Variants in DOCK5 observed in about 807,000 individuals in gnomAD.
DOCK5 encodes dedicator of cytokinesis 5.
Under a neutral mutation model 251.8 loss-of-function variants are expected in DOCK5, and 142 were observed. The observed-to-expected ratio is 0.56, with a 90% CI of 0.49 to 0.65. The LOEUF (loss-of-function observed/expected upper bound fraction) is 0.65, where lower values mean the gene tolerates loss of function less well. Among genes scored for constraint, DOCK5 ranks in the 30% least tolerant of loss-of-function variants. The pLI is 0.00. For missense variants in DOCK5, 2,111 were observed against 2,312.3 expected (o/e 0.91, Z 1.79); for synonymous variants, 842 against 835.5 (o/e 1.01, Z -0.13).
intron 48 of DOCK5, 60 bp from the exon 49 acceptor site, chr8:25,407,923 T>A: frequency 2.0e-6 from 3 of 1,492,912 alleles, no homozygotes; most frequent in Non-Finnish European, 2.7e-6. Context: ...ACTTTCATAG[T>A]GAATTTTGAT....
chr8:25,361,706 T>G (rs1014480837), intron 28 of DOCK5, among the ~76,000 whole-genome samples: 3 of 152,154 alleles, frequency 2.0e-5, no homozygotes, highest in Admixed American at 2.0e-4. Context: ...AGGGTGGGTA[T>G]GTCTAACTCG....
At chr8:25,220,642 T>C (rs1245616557) in intron 1 of DOCK5, among the ~76,000 whole-genome samples, 1 of 152,144 alleles carries the variant, frequency 6.6e-6, no homozygotes, top group African/African-American at 2.4e-5. Context: ...GACAGAGCCT[T>C]GCTGTGTCGC....
chr8:25,352,194 C>A (rs1446458659), intron 27 of DOCK5, among the ~76,000 whole-genome samples: 2 of 113,534 alleles, frequency 1.8e-5, no homozygotes, highest in African/African-American at 6.8e-5. Flanking sequence ...GCCTGGACAA[C>A]AGAGCAATAG....
chr8:25,384,463 A>ATTTATTTTTTTTT (rs1400363524), intron 40 of DOCK5, among the ~76,000 whole-genome samples: 1 of 135,690 alleles, frequency 7.4e-6, no homozygotes, highest in South Asian at 2.3e-4. Flanking sequence ...TTATTTATTT[A>ATTTATTTTTTTTT]TTTTTTTTTT....
At chr8:25,278,816 C>T (rs546753121) in intron 5 of DOCK5, among the ~76,000 whole-genome samples, 151 bp downstream of exon 5, 57 of 152,268 alleles carry the variant, frequency 3.7e-4, no homozygotes, top group African/African-American at 1.3e-3. Flanking sequence ...AGCAGATTCT[C>T]ATTTCCCCAG....
rs566243218 is a variant in DOCK5, at chr8:25,341,208, C to T, written c.2439+220C>T. 6.6e-5 allele frequency among the ~76,000 whole-genome samples: 10 copies of T among 152,248 alleles called. No individual in the cohort carries two copies. The East Asian group carries it at 1.5e-3, about 24-fold the overall frequency. ...TGTCAACTTGCCAAAGACAAGCTAC[C>T]CAATTAGACATCCCTTGAAAGGCCA... is the stretch of plus-strand genomic sequence containing the variant. On this transcript the variant is annotated intron_variant, in intron 23 of 51. Transcript: ENST00000276440.
intron 1 of DOCK5, among the ~76,000 whole-genome samples, chr8:25,209,210 C>G: frequency 1.4e-5 from 1 of 73,240 alleles, no homozygotes; most frequent in Non-Finnish European, 4.5e-5. Flanking sequence ...GTTCTCACCA[C>G]ACGCAAGTTC....
rs1801991567 is a variant in DOCK5, at chr8:25,206,014, CA to C, written c.43+21070del. Reference sequence around the variant, plus strand: ...GGAAGGCTGAACATGAAAAAAGTTGCAAAAAAAGTCCAGTTGGGGTTATTGG... The same window carrying C: ...GGAAGGCTGAACATGAAAAAAGTTGCAAAAAAGTCCAGTTGGGGTTATTGG... On this transcript the variant is annotated intron_variant, in intron 1 of 51. Transcript: ENST00000276440. 1.3e-5 allele frequency among the ~76,000 whole-genome samples: 2 copies of C among 151,794 alleles called. 1 individual carries two copies. The highest frequency in any genetic ancestry group is 4.2e-4 in the South Asian group (2 of 4,814).
chr8:25,280,635 C>T (rs752937882), intron 5 of DOCK5, among the ~76,000 whole-genome samples: 7 of 152,184 alleles, frequency 4.6e-5, no homozygotes, highest in African/African-American at 7.2e-5. Flanking sequence ...AATAGAAGCA[C>T]TTACTGCTAA....
chr8:25,397,548 T>C (rs1418590323), intron 45 of DOCK5, among the ~76,000 whole-genome samples: 1 of 152,224 alleles, frequency 6.6e-6, no homozygotes, highest in Admixed American at 6.5e-5. Context: ...AGTTTCTCCA[T>C]GTTAGGTGCC....
Position 25,323,929 on chromosome 8 carries a change from G to A in DOCK5, c.1697G>A (p.Arg566Lys), listed in dbSNP as rs1563202070. The change falls in exon 17 of 52, where the codon AGG becomes AAG. Residue 566 changes from arginine (R) to lysine (K), a missense_variant. By Grantham distance (26) the Arg-to-Lys change is conservative (BLOSUM62 2). Around this residue, in one of 3 missense-constraint regions of DOCK5, gnomAD observed 1,717 missense variants for 1,892.4 expected, o/e 0.91. Coordinates refer to ENST00000276440, the MANE Select transcript of DOCK5 (RefSeq NM_024940.8). ...NPDGTTLQDG[R>K]HDLVVYKGDN... ...GATGGCACCACTCTGCAGGATGGGA[G>A]GCACGATCTGGTGGTTTATAAGGTG... 6.2e-7 allele frequency: 1 copy of A among 1,612,512 alleles called. No homozygotes were observed. Among genetic ancestry groups the A allele is most frequent in the Non-Finnish European group, 8.5e-7 (1 of 1,179,340 alleles).
intron 26 of DOCK5, among the ~76,000 whole-genome samples, chr8:25,350,137 G>T (rs1346701757): frequency 6.6e-6 from 1 of 152,174 alleles, no homozygotes; most frequent in Non-Finnish European, 1.5e-5. Context: ...TAATTTGACC[G>T]TGGAAATCAT....
chr8:25,269,512 A>T (rs530631715), intron 3 of DOCK5, among the ~76,000 whole-genome samples: 2 of 152,332 alleles, frequency 1.3e-5, no homozygotes, highest in African/African-American at 4.8e-5. Context: ...TTTGATATGT[A>T]ATATTGGTTG....
chr8:25,275,361 A>G lies in DOCK5; in HGVS notation c.169-25A>G, dbSNP rs773497610. On this transcript the variant is annotated intron_variant, in intron 3 of 51. Transcript: ENST00000276440. ...GTTTTTGTTTTGTTTTTATGGCCAT[A>G]TAACCAAAATTCTTTTCTCTGTAGG... 13 of 1,585,658 alleles carry G rather than the reference A, an allele frequency of 8.2e-6. No individual in the cohort carries two copies. The East Asian group carries it at 2.9e-4, about 36-fold the overall frequency.
At chr8:25,392,948 T>G in intron 44 of DOCK5, 66 bp downstream of exon 44, 2 of 1,360,412 alleles carry the variant, frequency 1.5e-6, no homozygotes, top group South Asian at 1.2e-5. Flanking sequence ...ACAGCCTTTG[T>G]TGAATTCCCT....
intron 31 of DOCK5, 37 bp from the exon 32 acceptor site, chr8:25,368,155 T>G (rs760480659): frequency 1.7e-5 from 26 of 1,530,766 alleles, no homozygotes; most frequent in Non-Finnish European, 2.3e-5. Flanking sequence ...TCATTTCTAC[T>G]GAAAATCCTC....
In DOCK5 at chr8:25,332,635, C is replaced by A; in HGVS notation, c.2034C>A (p.Asn678Lys). The A allele has an allele frequency of 6.2e-7, 1 of 1,612,326 alleles. No homozygotes were observed. Among genetic ancestry groups the A allele is most frequent in the Non-Finnish European group, 8.5e-7 (1 of 1,179,304 alleles). Reference protein sequence around the residue: ...FLQDTLDALFNIMMEMSDSET... With the variant: ...FLQDTLDALFKIMMEMSDSET... ...AAGATACACTAGATGCACTCTTTAA[C>A]ATAATGATGGAAATGTCAGACAGTG... The change falls in exon 20 of 52, where the codon AAC becomes AAA. Residue 678 changes from asparagine (N) to lysine (K), a missense_variant. This residue lies in a region of DOCK5 where 1,717 missense variants were observed against 1,892.4 expected (regional missense o/e 0.91). Coordinates refer to ENST00000276440, the MANE Select transcript of DOCK5 (RefSeq NM_024940.8).
At chr8:25,283,798 A>G (rs1563337463) in intron 5 of DOCK5, among the ~76,000 whole-genome samples, 1 of 152,220 alleles carries the variant, frequency 6.6e-6, no homozygotes, top group Non-Finnish European at 1.5e-5. Flanking sequence ...ATTCAAGTCC[A>G]GGAGGCCCGG....
chr8:25,242,704 C>G (rs956947434), intron 1 of DOCK5, among the ~76,000 whole-genome samples: 21 of 152,260 alleles, frequency 1.4e-4, no homozygotes, highest in African/African-American at 4.6e-4. Context: ...TATCATTTTT[C>G]ACAACCCGGC....
Sources: gnomAD v4.1 joint callset for allele counts (sites outside exome capture counted in the v4.1 genomes callset) on GRCh38, gnomAD v4.1.1 for gene constraint, gnomAD v4.1.1 regional missense constraint, MANE v1.5 for transcripts, NCBI Gene and HGNC (gene_info 2026-07-23, HGNC 2026-07-21) for gene names.